TLL1: variants seen among roughly 807,000 people sequenced by gnomAD.
The protein encoded by TLL1 is tolloid like 1.
Under a neutral mutation model 128.2 loss-of-function variants are expected in TLL1, and 49 were observed. The observed-to-expected ratio is 0.38, with a 90% confidence interval of 0.30 to 0.48. The LOEUF (loss-of-function observed/expected upper bound fraction) is 0.48, where lower values mean the gene tolerates loss of function less well. TLL1 is among the 20% of genes least tolerant of loss of function. The pLI, the probability that TLL1 is intolerant of heterozygous loss-of-function variation, is 0.96. For missense variants in TLL1, 1,123 were observed against 1,242.0 expected (o/e 0.90, Z 1.44); for synonymous variants, 454 against 418.8 (o/e 1.08, Z -1.03).
At chr4:165,899,112 C>T (rs1226254136) in intron 1 of TLL1, among the ~76,000 whole-genome samples, 1 of 150,270 alleles carries the variant, frequency 6.7e-6, no homozygotes, top group Non-Finnish European at 1.5e-5. Context: ...CTATTTGATT[C>T]TTCTGTCTTT....
chr4:165,998,697 T>C (rs1209494663), intron 5 of TLL1, among the ~76,000 whole-genome samples: 3 of 151,364 alleles, frequency 2.0e-5, no homozygotes, highest in Non-Finnish European at 4.4e-5. Context: ...CTCGGGAGGC[T>C]GAGGCAGGAG....
At chr4:165,978,644 C>A (rs187668229) in intron 1 of TLL1, among the ~76,000 whole-genome samples, 213 of 152,158 alleles carry the variant, frequency 1.4e-3, no homozygotes, top group Middle Eastern at 3.4e-3. Context: ...TTGTTTGTTT[C>A]CAAAGAACTT....
chr4:166,099,587 T>C (rs770157145), intron 20 of TLL1, 60 bp downstream of exon 20: 1 of 1,608,050 alleles, frequency 6.2e-7, no homozygotes, highest in Non-Finnish European at 8.5e-7. Flanking sequence ...TGATTCATGA[T>C]TGATATGTGT....
At chr4:166,054,453 T>C (rs992292657) in intron 12 of TLL1, among the ~76,000 whole-genome samples, 17 of 152,264 alleles carry the variant, frequency 1.1e-4, no homozygotes, top group Middle Eastern at 3.4e-3. Context: ...TTAGGGTACA[T>C]GTGCACATTG....
At chr4:165,983,022 T>C (rs1736223434) in intron 1 of TLL1, among the ~76,000 whole-genome samples, 1 of 151,912 alleles carries the variant, frequency 6.6e-6, no homozygotes, top group Admixed American at 6.6e-5. Context: ...AGTGTAAGAA[T>C]GGAAGTTTTT....
intron 9 of TLL1, among the ~76,000 whole-genome samples, chr4:166,025,652 A>G (rs1738461180): frequency 6.6e-6 from 1 of 152,166 alleles, no homozygotes; most frequent in African/African-American, 2.4e-5. Flanking sequence ...AATAATACAA[A>G]TTATATTCTC....
At chr4:165,935,892 T>C (rs1733738617) in intron 1 of TLL1, among the ~76,000 whole-genome samples, 1 of 152,192 alleles carries the variant, frequency 6.6e-6, no homozygotes. Flanking sequence ...TTATAATGCA[T>C]TCAACCTGTT....
intron 20 of TLL1, 81 bp from the exon 21 acceptor site, chr4:166,100,661 T>C (rs1304602605): frequency 4.5e-6 from 7 of 1,564,326 alleles, no homozygotes; most frequent in Admixed American, 1.7e-5. Context: ...AGACAAGTAT[T>C]CCCAAACATG....
At chr4:165,991,908 T>A (rs188054708) in intron 2 of TLL1, among the ~76,000 whole-genome samples, 1 of 152,048 alleles carries the variant, frequency 6.6e-6, no homozygotes, top group East Asian at 1.9e-4. Flanking sequence ...GAATGATAAC[T>A]TTTTCCTATT....
At chr4:165,881,950 A>T (rs2110812508) in intron 1 of TLL1, among the ~76,000 whole-genome samples, 1 of 152,312 alleles carries the variant, frequency 6.6e-6, no homozygotes, top group Admixed American at 6.5e-5. Flanking sequence ...TATTCATTGA[A>T]TTCATGATTA....
chr4:166,034,783 G>A (rs77329367), intron 9 of TLL1, among the ~76,000 whole-genome samples: 16,732 of 152,106 alleles, frequency 0.11, 933 homozygotes, highest in South Asian at 0.13. Context: ...CTATAACAAA[G>A]CTCCTCAGAC....
chr4:165,887,712 T>G (rs997949857), intron 1 of TLL1, among the ~76,000 whole-genome samples: 3 of 152,198 alleles, frequency 2.0e-5, no homozygotes, highest in Admixed American at 6.5e-5. Context: ...AACATTTACA[T>G]TTTGATTGCC....
chr4:165,876,127 G>C (rs1730713184), intron 1 of TLL1, among the ~76,000 whole-genome samples: 1 of 152,204 alleles, frequency 6.6e-6, no homozygotes, highest in Non-Finnish European at 1.5e-5. Context: ...AGGGAAATAA[G>C]AATGGCCTAA....
rs774683617 is a variant in TLL1, at chr4:165,874,062, C to T, written c.158C>T (p.Pro53Leu). 4 of 1,614,084 alleles carry T rather than the reference C, an allele frequency of 2.5e-6. No homozygotes were observed. Among genetic ancestry groups the T allele is most frequent in the Admixed American group, 1.7e-5 (1 of 60,024 alleles). ...DKTETIDYKDPCKAAVFWGDI... is the reference protein window; with the variant it reads ...DKTETIDYKDLCKAAVFWGDI... ...ACAGAGACTATAGATTACAAGGACC[C>T]GTGTAAAGCCGGTAAGTGGCTCTCC... is the stretch of plus-strand genomic sequence containing the variant. The change falls in exon 1 of 21, where the codon CCG (proline) becomes CTG (leucine). Residue 53 changes from proline (P) to leucine (L), a missense_variant. Pro to Leu is a moderately conservative substitution (Grantham distance 98). This residue lies in a region of TLL1 where 480 missense variants were observed against 542.4 expected (regional missense o/e 0.89). Coordinates refer to ENST00000061240, the MANE Select transcript of TLL1 (RefSeq NM_012464.5).
At chr4:165,936,201 TA>T (rs1283708361) in intron 1 of TLL1, among the ~76,000 whole-genome samples, 2 of 144,612 alleles carry the variant, frequency 1.4e-5, no homozygotes, top group African/African-American at 5.2e-5. Context: ...CATATATATA[TA>T]TATATTTTTT....
intron 14 of TLL1, among the ~76,000 whole-genome samples, 177 bp downstream of exon 14, chr4:166,057,486 T>C (rs1740078534): frequency 6.6e-6 from 1 of 152,174 alleles, no homozygotes; most frequent in Non-Finnish European, 1.5e-5. Context: ...ATTCTTGTTA[T>C]AGAATGGGTC....
intron 1 of TLL1, among the ~76,000 whole-genome samples, chr4:165,971,966 T>C (rs1560781505): frequency 6.6e-6 from 1 of 152,148 alleles, no homozygotes; most frequent in Admixed American, 6.6e-5. Flanking sequence ...AGCAACATTC[T>C]CTTCCAGCTT....
At chr4:165,892,847 T>C (rs976509398) in intron 1 of TLL1, among the ~76,000 whole-genome samples, 2 of 152,240 alleles carry the variant, frequency 1.3e-5, no homozygotes, top group African/African-American at 4.8e-5. Context: ...ATGTTCATTC[T>C]TTGTTAGCCT....
At chr4:166,031,329 T>C (rs1251409166) in intron 9 of TLL1, among the ~76,000 whole-genome samples, 1 of 151,650 alleles carries the variant, frequency 6.6e-6, no homozygotes, top group Non-Finnish European at 1.5e-5. Context: ...GATGTATCAT[T>C]TATAAATTTT....
Sources: gnomAD v4.1 joint callset for allele counts (sites outside exome capture counted in the v4.1 genomes callset) on GRCh38, gnomAD v4.1.1 for gene constraint, gnomAD v4.1.1 regional missense constraint, MANE v1.5 for transcripts, NCBI Gene and HGNC (gene_info 2026-07-23, HGNC 2026-07-21) for gene names.